PRELID2: variants seen among roughly 807,000 people sequenced by gnomAD.
PRELID2 encodes PRELI domain-containing protein 2.
Under a neutral mutation model 28.4 loss-of-function variants are expected in PRELID2, and 25 were observed. That is an observed-to-expected ratio of 0.88 (90% CI 0.64 to 1.23). The LOEUF (loss-of-function observed/expected upper bound fraction) is 1.23. Among genes scored for constraint, PRELID2 ranks in the 50% most tolerant of loss-of-function variants. The pLI, the probability that PRELID2 is intolerant of heterozygous loss-of-function variation, is 0.00. For missense variants in PRELID2, 201 were observed against 214.4 expected, an observed-to-expected ratio of 0.94 and a Z score of 0.39; for synonymous variants, 76 against 71.6, an observed-to-expected ratio of 1.06 and a Z score of -0.31.
rs1222808492 is a variant in PRELID2, at chr5:145,741,883, CAAAT to C, written n.70+23044_70+23047del. Among the ~76,000 whole-genome samples the C allele has an allele frequency of 9.1e-4, 110 of 120,504 alleles. 2 individuals are homozygous for C. Among genetic ancestry groups the C allele is most frequent in the South Asian group, 3.2e-3 (13 of 4,016 alleles). 79.1% of individuals were successfully genotyped at this position (120,504 alleles called of 152,430 possible). A position where few individuals can be genotyped will look rare whatever the true frequency, so the allele number is the denominator to read the frequency against. On this transcript the variant is annotated intron_variant and non_coding_transcript_variant, in intron 1 of 2. Coordinates refer to the PRELID2 transcript ENST00000510259. ...AATTTAATTTAATAAATAAATTTAA[CAAAT>C]AAATAATTTAATTTAAATTTATATA...
At chr5:145,764,227 C>T (rs552632459) in intron 6 of PRELID2, among the ~76,000 whole-genome samples, 1 of 152,310 alleles carries the variant, frequency 6.6e-6, no homozygotes, top group Admixed American at 6.5e-5. Context: ...ACCATTCTCC[C>T]TGATCCAGAC....
At chr5:145,370,810 T>C in the PRELID2 span, among the ~76,000 whole-genome samples, 115 of 152,214 alleles carry the variant, frequency 7.6e-4, no homozygotes, top group Non-Finnish European at 1.3e-3. Context: ...TGGTTTGTAG[T>C]TCTCCTTGAA....
At chr5:145,587,964 AG>A (rs1278352653) in intron 1 of PRELID2, among the ~76,000 whole-genome samples, 1 of 152,166 alleles carries the variant, frequency 6.6e-6, no homozygotes, top group African/African-American at 2.4e-5. Flanking sequence ...ACTTAGAAAG[AG>A]GGAGTAGAAA....
At chr5:145,462,651 T>C in the PRELID2 span, among the ~76,000 whole-genome samples, 24 of 152,356 alleles carry the variant, frequency 1.6e-4, no homozygotes, top group East Asian at 5.8e-4. Flanking sequence ...GCTTTGGCCA[T>C]TGGGGCCACT....
chr5:145,448,500 T>C, the PRELID2 span, among the ~76,000 whole-genome samples: 2 of 152,110 alleles, frequency 1.3e-5, no homozygotes, highest in Admixed American at 1.3e-4. Flanking sequence ...GTCAATTTTG[T>C]CTTTTGTTGC....
At chr5:145,324,352 T>A in the PRELID2 span, among the ~76,000 whole-genome samples, 1 of 152,202 alleles carries the variant, frequency 6.6e-6, no homozygotes, top group Non-Finnish European at 1.5e-5. Context: ...ACAAAGCCAG[T>A]GGAATGTCTA....
chr5:145,600,278 A>C (rs1475802937), intron 1 of PRELID2, among the ~76,000 whole-genome samples: 29 of 151,950 alleles, frequency 1.9e-4, no homozygotes, highest in Non-Finnish European at 2.9e-5. Context: ...TGCCTTCTGC[A>C]TGATAAAACA....
the PRELID2 span, among the ~76,000 whole-genome samples, chr5:145,241,477 C>G: frequency 1.3e-5 from 2 of 152,012 alleles, no homozygotes; most frequent in South Asian, 4.1e-4. Context: ...TGTTTCGTTG[C>G]TCTTGTCATA....
Position 145,680,807 on chromosome 5 carries a change from GA to G in PRELID2, n.70+84123del, listed in dbSNP as rs1043874463. ...AATACATTTTCAGGAGGCCAGAAGG[GA>G]AAAAAAAAAGCGTATAACAAGACTG... On this transcript the variant is annotated intron_variant and non_coding_transcript_variant, in intron 1 of 2. Transcript: ENST00000510259. 5.5e-3 allele frequency among the ~76,000 whole-genome samples: 819 copies of G among 147,812 alleles called. 8 individuals carry two copies. Among genetic ancestry groups the G allele is most frequent in the African/African-American group, 0.019 (777 of 40,490 alleles).
At chr5:145,597,361 T>G (rs942293509) in intron 1 of PRELID2, among the ~76,000 whole-genome samples, 1 of 152,162 alleles carries the variant, frequency 6.6e-6, no homozygotes, top group Admixed American at 6.5e-5. Flanking sequence ...CAAAGGTACA[T>G]GACATAACAG....
At chr5:145,363,817 C>T in the PRELID2 span, among the ~76,000 whole-genome samples, 8 of 152,008 alleles carry the variant, frequency 5.3e-5, no homozygotes, top group South Asian at 6.2e-4. Flanking sequence ...ATGTTTACAG[C>T]GTTCTGTTTC....
intron 5 of PRELID2, among the ~76,000 whole-genome samples, chr5:145,783,947 A>G (rs986390894): frequency 7.9e-5 from 12 of 152,168 alleles, no homozygotes. Context: ...TAAAGAATTG[A>G]GCACCTCAGA....
At chr5:145,324,469 A>C in the PRELID2 span, among the ~76,000 whole-genome samples, 1 of 152,200 alleles carries the variant, frequency 6.6e-6, no homozygotes, top group Non-Finnish European at 1.5e-5. Flanking sequence ...CAAATTGGTG[A>C]AGGGTGAGTT....
At chr5:145,287,861 T>A in the PRELID2 span, among the ~76,000 whole-genome samples, 33,849 of 152,096 alleles carry the variant, frequency 0.22, 4,652 homozygotes, top group Non-Finnish European at 0.3. Flanking sequence ...CTGTAACTTA[T>A]CTTAGCTGTA....
At chr5:145,730,442 A>G (rs532409344) in intron 1 of PRELID2, among the ~76,000 whole-genome samples, 8 of 152,348 alleles carry the variant, frequency 5.3e-5, no homozygotes, top group Admixed American at 4.6e-4. Flanking sequence ...GATTTTGACT[A>G]TTCATGCATG....
the PRELID2 span, among the ~76,000 whole-genome samples, chr5:145,458,223 A>G: frequency 6.6e-6 from 1 of 152,156 alleles, no homozygotes; most frequent in Non-Finnish European, 1.5e-5. Flanking sequence ...GTATAAGGAT[A>G]CTCCTTAAAC....
chr5:145,459,135 A>G, the PRELID2 span, among the ~76,000 whole-genome samples: 1 of 152,320 alleles, frequency 6.6e-6, no homozygotes, highest in South Asian at 2.1e-4. Context: ...CACAAGAAAA[A>G]TAGGAACAAG....
At chr5:145,481,526 T>C (rs1752158930) in intron 1 of PRELID2, among the ~76,000 whole-genome samples, 1 of 148,706 alleles carries the variant, frequency 6.7e-6, no homozygotes, top group Admixed American at 6.8e-5. Flanking sequence ...TCTAGAGAAT[T>C]GGATCTTCTG....
At chr5:145,533,427 G>A (rs1250048315) in intron 1 of PRELID2, among the ~76,000 whole-genome samples, 1 of 152,078 alleles carries the variant, frequency 6.6e-6, no homozygotes, top group African/African-American at 2.4e-5. Context: ...CAAAGTTATT[G>A]TTGCTGTTTT....
Sources: allele counts gnomAD v4.1 joint callset (sites outside exome capture counted in the v4.1 genomes callset), GRCh38; gene constraint gnomAD v4.1.1; transcripts MANE v1.5; gene names NCBI Gene and HGNC (gene_info 2026-07-23, HGNC 2026-07-21).